Variants in ARSG observed in about 807,000 individuals in gnomAD.
The protein encoded by ARSG is arylsulfatase G.
Under a neutral mutation model 50.5 loss-of-function variants are expected in ARSG, and 37 were observed. The observed-to-expected ratio is 0.73, with a 90% confidence interval of 0.56 to 0.96. ARSG has a LOEUF of 0.96. Among genes scored for constraint, ARSG ranks in the 50% least tolerant of loss-of-function variants. The pLI is 0.00. For synonymous variants in ARSG, 225 were observed against 254.6 expected (o/e 0.88, Z 1.11); for missense variants, 629 against 675.3 (o/e 0.93, Z 0.76).
chr17:68,398,088 C>T (rs2081322920), intron 10 of ARSG, among the ~76,000 whole-genome samples: 1 of 152,120 alleles, frequency 6.6e-6, no homozygotes, highest in Non-Finnish European at 1.5e-5. Context: ...GTTTATGTAC[C>T]ATGTATGTAT....
At chr17:68,433,777 T>TTTTGTTTTTTTG in the ARSG span, among the ~76,000 whole-genome samples, 1 of 63,616 alleles carries the variant, frequency 1.6e-5, no homozygotes, top group African/African-American at 4.9e-5. Context: ...TTTTTTTTTT[T>TTTTGTTTTTTTG]TTTTTTTTTT....
At chr17:68,347,022 C>G in intron 3 of ARSG, 103 bp from the exon 4 acceptor site, 1 of 1,566,524 alleles carries the variant, frequency 6.4e-7, no homozygotes, top group African/African-American at 1.4e-5. Context: ...GTCCACAGTG[C>G]GAGGCGAAGC....
intron 2 of ARSG, among the ~76,000 whole-genome samples, chr17:68,333,198 T>C (rs2077853962): frequency 6.6e-6 from 1 of 152,138 alleles, no homozygotes; most frequent in Non-Finnish European, 1.5e-5. Flanking sequence ...GGCAGACACC[T>C]GTAGTCCCAG....
Position 68,385,170 on chromosome 17 carries a change from A to G in ARSG, c.1089A>G (p.Leu363=). Residue 363 remains leucine (L), a splice_region_variant and synonymous_variant, in exon 9 of 12, where the codon TTA becomes TTG. Transcript: ENST00000621439. ...VPVNVTSTAL[L]SVLDIFPTVV... is the part of the protein sequence containing the mutation. Reference sequence around the variant, plus strand: ...TTAATGTCACCAGCACTGCCTTGTTAAGGTATGAGACCAAAACTACCTTGA... The same window carrying G: ...TTAATGTCACCAGCACTGCCTTGTTGAGGTATGAGACCAAAACTACCTTGA... 1 of 1,613,278 alleles carries G rather than the reference A, an allele frequency of 6.2e-7. No homozygotes were observed. Among genetic ancestry groups the G allele is most frequent in the South Asian group, 1.1e-5 (1 of 91,068 alleles).
chr17:68,410,687 C>G (rs1860173821), intron 11 of ARSG, among the ~76,000 whole-genome samples: 1 of 152,166 alleles, frequency 6.6e-6, no homozygotes, highest in Non-Finnish European at 1.5e-5. Context: ...GGAATAGTTT[C>G]AGAAGGAATG....
chr17:68,442,527 A>G, the ARSG span, among the ~76,000 whole-genome samples: 3 of 151,886 alleles, frequency 2.0e-5, no homozygotes, highest in African/African-American at 7.3e-5. Flanking sequence ...GTCCTGAAGC[A>G]ACCCTGTCCT....
intron 2 of ARSG, among the ~76,000 whole-genome samples, chr17:68,314,622 C>A (rs572807954): frequency 6.6e-6 from 1 of 151,200 alleles, no homozygotes; most frequent in Non-Finnish European, 1.5e-5. Flanking sequence ...CACACGGATC[C>A]CTTAATGCCA....
chr17:68,383,848 G>T (rs1192115299), intron 8 of ARSG, among the ~76,000 whole-genome samples: 1 of 152,214 alleles, frequency 6.6e-6, no homozygotes, highest in Non-Finnish European at 1.5e-5. Context: ...ACTCCAGTTA[G>T]ATTTTTCAAC....
At chr17:68,377,727 G>T (rs1320235320) in intron 8 of ARSG, among the ~76,000 whole-genome samples, 1 of 152,196 alleles carries the variant, frequency 6.6e-6, no homozygotes, top group African/African-American at 2.4e-5. Flanking sequence ...CCCCACAAAA[G>T]GATCAGGCAA....
At chr17:68,415,070 G>A (rs2147465711) in intron 11 of ARSG, among the ~76,000 whole-genome samples, 1 of 152,010 alleles carries the variant, frequency 6.6e-6, no homozygotes, top group South Asian at 2.1e-4. Context: ...TGTCTGCTGG[G>A]TTTTGTTTGT....
At chr17:68,422,992 G>GT (rs2082908450), downstream of ARSG, among the ~76,000 whole-genome samples, 4 of 152,302 alleles carry the variant, frequency 2.6e-5, 1 homozygote, top group Admixed American at 2.6e-4. Flanking sequence ...ACGCAGGGAA[G>GT]TGTCAGTATG....
chr17:68,276,483 C>G (rs200224920), intron 1 of ARSG, among the ~76,000 whole-genome samples: 3 of 152,196 alleles, frequency 2.0e-5, no homozygotes, highest in East Asian at 1.9e-4. Context: ...GGGTCTTGCT[C>G]TGTTGCCCAG....
chr17:68,427,145 G>A, downstream of ARSG: 1 of 1,613,940 alleles, frequency 6.2e-7, no homozygotes, highest in Non-Finnish European at 8.5e-7. Flanking sequence ...CTGGCACCGT[G>A]GAGGCTGAAG....
chr17:68,392,763 G>C (rs921621140), intron 9 of ARSG, among the ~76,000 whole-genome samples: 1 of 152,222 alleles, frequency 6.6e-6, no homozygotes, highest in Non-Finnish European at 1.5e-5. Context: ...GCCTTCCAAA[G>C]TGTTGGGATT....
chr17:68,335,809 C>T lies in ARSG; in HGVS notation c.219-7795C>T, dbSNP rs116082831. 4.3e-3 allele frequency among the ~76,000 whole-genome samples: 661 copies of T among 152,302 alleles called. 5 individuals are homozygous for T. Among genetic ancestry groups the T allele is most frequent in the African/African-American group, 0.015 (623 of 41,564 alleles). ...AACAGCGTGTGCGAAGGCACAGATGCATGGGAGTAATGTGGTGTGTTGGAA... is the reference window on the plus strand; with the variant it reads ...AACAGCGTGTGCGAAGGCACAGATGTATGGGAGTAATGTGGTGTGTTGGAA... On this transcript the variant is annotated intron_variant, in intron 2 of 11. Coordinates refer to ENST00000621439, the MANE Select transcript of ARSG (RefSeq NM_001267727.2).
intron 1 of ARSG, among the ~76,000 whole-genome samples, chr17:68,302,331 A>G (rs920312715): frequency 6.6e-6 from 1 of 152,038 alleles, no homozygotes; most frequent in Admixed American, 6.6e-5. Context: ...TCGGCTCATC[A>G]GATGCTTTTG....
At chr17:68,310,958 T>G (rs1211785706) in intron 2 of ARSG, among the ~76,000 whole-genome samples, 14 of 152,150 alleles carry the variant, frequency 9.2e-5, no homozygotes, top group Admixed American at 7.9e-4. Flanking sequence ...TCCAGCACTT[T>G]AGGAGGCCAA....
chr17:68,346,505 C>T (rs192816851), intron 3 of ARSG, among the ~76,000 whole-genome samples: 159 of 152,278 alleles, frequency 1.0e-3, no homozygotes, highest in African/African-American at 3.7e-3. Context: ...CTCCTCAGAG[C>T]GGAAGAGCAG....
At chr17:68,346,403 G>A (rs774724487) in intron 3 of ARSG, among the ~76,000 whole-genome samples, 8 of 152,112 alleles carry the variant, frequency 5.3e-5, no homozygotes, top group Admixed American at 1.3e-4. Context: ...TTAATCTCTC[G>A]TTTGAGCGGT....
Sources: gnomAD v4.1 joint callset for allele counts (sites outside exome capture counted in the v4.1 genomes callset) on GRCh38, gnomAD v4.1.1 for gene constraint, MANE v1.5 for transcripts, NCBI Gene and HGNC (gene_info 2026-07-23, HGNC 2026-07-21) for gene names.